The following HCK variants were observed in gnomAD, a reference collection of about 807,000 sequenced individuals.
The protein encoded by HCK is tyrosine-protein kinase HCK.
Under a neutral mutation model 70.4 loss-of-function variants are expected in HCK, and 40 were observed. The ratio of observed to expected loss-of-function variants is 0.57; its 90% confidence interval spans 0.44 to 0.74. The LOEUF (loss-of-function observed/expected upper bound fraction) is 0.74, where lower values mean the gene tolerates loss of function less well. HCK is among the 30% of genes least tolerant of loss of function. The pLI is 0.00. For missense variants in HCK, 568 were observed against 697.2 expected (o/e 0.81, Z 2.09); for synonymous variants, 245 against 263.2 (o/e 0.93, Z 0.67).
chr20:32,073,332 A>G lies in HCK; in HGVS notation c.197A>G (p.His66Arg). 1 of 1,612,036 alleles carries G rather than the reference A, an allele frequency of 6.2e-7. No homozygotes were observed. Among genetic ancestry groups the G allele is most frequent in the African/African-American group, 1.3e-5 (1 of 74,886 alleles). The change falls in exon 3 of 13, where the codon CAC becomes CGC. Residue 66 changes from histidine to arginine, a missense_variant. Around this residue, in one of 4 missense-constraint regions of HCK, gnomAD observed 318 missense variants for 336.0 expected, o/e 0.95. Transcript: ENST00000375852. ...TCTTCCCCACAGGGGCCTAATAGCCACAACAGCAACACACCAGGAATCAGG... is the reference window on the plus strand; with the variant it reads ...TCTTCCCCACAGGGGCCTAATAGCCGCAACAGCAACACACCAGGAATCAGG...
chr20:32,074,618 C>G lies in HCK; in HGVS notation c.330-5C>G, dbSNP rs765861376. 1 of 1,605,616 alleles carries G rather than the reference C, an allele frequency of 6.2e-7. No homozygotes were observed. Among genetic ancestry groups the G allele is most frequent in the Admixed American group, 1.7e-5 (1 of 60,006 alleles). ...CTAACACCTTTACTCCCTCATGTCC[C>G]TCAGATCCGGGGAGTGGTGGAAGGC... On this transcript the variant is annotated splice_region_variant and splice_polypyrimidine_tract_variant and intron_variant, in intron 4 of 12. Transcript: ENST00000375852.
At chr20:32,083,704 C>T (rs180823818) in intron 6 of HCK, among the ~76,000 whole-genome samples, 190 bp from the exon 7 acceptor site, 16 of 152,304 alleles carry the variant, frequency 1.1e-4, no homozygotes, top group African/African-American at 3.4e-4. Context: ...CAAGGTCTCA[C>T]GGGTGGATGT....
At chr20:32,073,506 C>A in intron 3 of HCK, 145 bp downstream of exon 3, 1 of 718,724 alleles carries the variant, frequency 1.4e-6, no homozygotes, top group Non-Finnish European at 2.3e-6. Flanking sequence ...TTTGCGCAGG[C>A]TATTGTGTTT....
At chr20:32,094,409 G>A (rs2045905564) in intron 11 of HCK, among the ~76,000 whole-genome samples, 1 of 152,148 alleles carries the variant, frequency 6.6e-6, no homozygotes, top group African/African-American at 2.4e-5. Context: ...GCCAGGCTCA[G>A]TGGCTCACGC....
In HCK at chr20:32,087,170, C is replaced by T. The variant is rs112101801; in HGVS notation, c.1015+363C>T. 9.2e-3 allele frequency among the ~76,000 whole-genome samples: 1,401 copies of T among 152,346 alleles called. 13 individuals are homozygous for T. Among genetic ancestry groups the T allele is most frequent in the African/African-American group, 0.032 (1,325 of 41,578 alleles). On this transcript the variant is annotated intron_variant, in intron 9 of 12. Transcript: ENST00000375852. ...TCCCGCATCAGCCACCTTCCCTGTA[C>T]TTGCCAAAGCCCTGGGAGAGGGAGC...
At chr20:32,066,301 GA>G (rs1467051953) in intron 1 of HCK, among the ~76,000 whole-genome samples, 2 of 70,170 alleles carry the variant, frequency 2.9e-5, no homozygotes, top group African/African-American at 8.4e-5. Context: ...GCCCTCCAGT[GA>G]CTTTTTTTTT....
At chr20:32,086,467 A>T (rs2045788113) in intron 8 of HCK, among the ~76,000 whole-genome samples, 161 bp from the exon 9 acceptor site, 1 of 152,178 alleles carries the variant, frequency 6.6e-6, no homozygotes. Flanking sequence ...TTCAACCCAC[A>T]GTTGTCTGAG....
At chr20:32,090,287 G>A (rs1048775695) in intron 10 of HCK, among the ~76,000 whole-genome samples, 11 of 152,192 alleles carry the variant, frequency 7.2e-5, no homozygotes, top group African/African-American at 2.7e-4. Flanking sequence ...AAGAGGTTCT[G>A]GGCCTTCATC....
chr20:32,068,304 A>G (rs1200328786), intron 1 of HCK, among the ~76,000 whole-genome samples: 1 of 152,080 alleles, frequency 6.6e-6, no homozygotes, highest in Non-Finnish European at 1.5e-5. Flanking sequence ...ATCTCAAAAA[A>G]ATAAATAAGT....
At chr20:32,088,689 T>G in intron 10 of HCK, 45 bp downstream of exon 10, 1 of 1,468,838 alleles carries the variant, frequency 6.8e-7, no homozygotes, top group South Asian at 1.2e-5. Flanking sequence ...AGGAATTCGA[T>G]TTTTTTACTT....
intron 5 of HCK, among the ~76,000 whole-genome samples, chr20:32,077,247 T>C (rs1018475949): frequency 4.6e-5 from 7 of 151,930 alleles, no homozygotes; most frequent in Admixed American, 2.0e-4. Flanking sequence ...TTTCTCTCAT[T>C]CTCCCTTGAA....
chr20:32,083,373 T>A (rs749785459), intron 6 of HCK, among the ~76,000 whole-genome samples: 3 of 152,232 alleles, frequency 2.0e-5, no homozygotes, highest in Non-Finnish European at 4.4e-5. Context: ...CACAGCATGT[T>A]CACATTTCAA....
intron 12 of HCK, among the ~76,000 whole-genome samples, chr20:32,100,467 TGAGA>T (rs371853614): frequency 6.6e-6 from 1 of 151,400 alleles, no homozygotes; most frequent in African/African-American, 2.4e-5. Context: ...ACTTAGGAGG[TGAGA>T]GAGAGAGAAT....
At chr20:32,068,386 A>C (rs1477395122) in intron 1 of HCK, among the ~76,000 whole-genome samples, 1 of 149,240 alleles carries the variant, frequency 6.7e-6, no homozygotes, top group Admixed American at 6.6e-5. Flanking sequence ...TAAAATGAAA[A>C]TAATTTTTTT....
rs537411811 is a variant in HCK at position 32,096,674 on chromosome 20, T to A, written c.1247-2330T>A. 7.2e-5 allele frequency among the ~76,000 whole-genome samples: 11 copies of A among 152,046 alleles called. No individual in the cohort carries two copies. The South Asian group carries it at 2.3e-3, about 32-fold the overall frequency. The stretch of plus-strand genomic sequence containing the variant: ...GTGCTACCATGCCCAGCTAATTTTT[T>A]AATTATTTGTAGAGATAGTGTCTCA... On this transcript the variant is annotated intron_variant, in intron 11 of 12. Coordinates refer to ENST00000375852, the MANE Select transcript of HCK (RefSeq NM_002110.5).
Position 32,053,573 on chromosome 20 carries a change from G to A in HCK, c.62+1087G>A, listed in dbSNP as rs147374574. ...GAATCACTTGAACCTGGGAGGTGGA[G>A]GTTGCGGTGAGCCGAGATCGCGCCA... On this transcript the variant is annotated intron_variant, in intron 1 of 12. Coordinates refer to ENST00000375852, the MANE Select transcript of HCK (RefSeq NM_002110.5). 4.4e-3 allele frequency among the ~76,000 whole-genome samples: 657 copies of A among 147,898 alleles called. 3 individuals carry two copies. The highest frequency in any genetic ancestry group is 0.016 in the African/African-American group (635 of 39,100).
chr20:32,099,131 C>T lies in HCK; in HGVS notation c.1374C>T (p.Tyr458=). The stretch of plus-strand genomic sequence containing the variant: ...TCGTCACCTACGGCCGGATCCCTTA[C>T]CCAGGTAGGGAAGGGGCATCAGCTC... The change falls in exon 12 of 13, where the codon TAC becomes TAT. Residue 458 remains tyrosine, a synonymous_variant. Coordinates refer to ENST00000375852, the MANE Select transcript of HCK (RefSeq NM_002110.5). 6.2e-7 allele frequency: 1 copy of T among 1,613,956 alleles called. No homozygotes were observed. Among genetic ancestry groups the T allele is most frequent in the East Asian group, 2.2e-5 (1 of 44,872 alleles).
At chr20:32,075,682 T>TCATC (rs1415735376) in intron 5 of HCK, among the ~76,000 whole-genome samples, 3 of 150,786 alleles carry the variant, frequency 2.0e-5, no homozygotes, top group Admixed American at 1.3e-4. Context: ...TATACTTCAG[T>TCATC]CATCCATCCA....
chr20:32,091,638 C>G (rs761150504), intron 10 of HCK, among the ~76,000 whole-genome samples: 2 of 152,008 alleles, frequency 1.3e-5, no homozygotes, highest in Non-Finnish European at 2.9e-5. Context: ...CCCCACCCCC[C>G]ACTATTCTAA....
Sources: gnomAD v4.1 joint callset for allele counts (sites outside exome capture counted in the v4.1 genomes callset) on GRCh38, gnomAD v4.1.1 for gene constraint, gnomAD v4.1.1 regional missense constraint, MANE v1.5 for transcripts, NCBI Gene and HGNC (gene_info 2026-07-23, HGNC 2026-07-21) for gene names.